Variants in RPE65 observed in about 807,000 individuals in gnomAD.
RPE65 encodes the protein retinoid isomerohydrolase RPE65.
Under a neutral mutation model 68.5 loss-of-function variants are expected in RPE65, and 58 were observed. That is an observed-to-expected ratio of 0.85 (90% confidence interval 0.69 to 1.05). The LOEUF (loss-of-function observed/expected upper bound fraction) is 1.05, where lower values mean the gene tolerates loss of function less well. Among genes scored for constraint, RPE65 ranks in the 50% least tolerant of loss-of-function variants. The pLI is 0.00. For synonymous variants in RPE65, 220 were observed against 222.2 expected (o/e 0.99, Z 0.09); for missense variants, 643 against 629.9 (o/e 1.02, Z -0.22).
intron 10 of RPE65, 69 bp downstream of exon 10, chr1:68,438,118 C>T (rs1645873588): frequency 1.7e-5 from 27 of 1,588,038 alleles, no homozygotes; most frequent in Non-Finnish European, 1.9e-5. Context: ...AAACATGAGG[C>T]AGGAGGACAA....
chr1:68,438,865 G>T, intron 9 of RPE65, 77 bp downstream of exon 9: 1 of 1,553,348 alleles, frequency 6.4e-7, no homozygotes, highest in Non-Finnish European at 8.9e-7. Context: ...TTCAGATTGA[G>T]TGCAGCAGCT....
intron 9 of RPE65, 115 bp downstream of exon 9, chr1:68,438,827 C>G: frequency 7.6e-7 from 1 of 1,318,930 alleles, no homozygotes; most frequent in Non-Finnish European, 1.1e-6. Flanking sequence ...TTTTGACTCT[C>G]ACATAACTCT....
Position 68,444,768 on chromosome 1 carries a change from T to G in RPE65, c.353+8A>C. ...GTCTTGAGTAACATTCAGTTTGGGTTCAGTAACCTGGAAAATATATTCTTG... is the reference window on the plus strand; with the variant it reads ...GTCTTGAGTAACATTCAGTTTGGGTGCAGTAACCTGGAAAATATATTCTTG... On this transcript the variant is annotated splice_region_variant and intron_variant, in intron 4 of 13. Coordinates refer to ENST00000262340, the MANE Select transcript of RPE65 (RefSeq NM_000329.3). 6.2e-7 allele frequency: 1 copy of G among 1,614,136 alleles called. No individual in the cohort carries two copies. The highest frequency in any genetic ancestry group is 8.5e-7 in the Non-Finnish European group (1 of 1,179,946).
rs770514332 is a variant in RPE65, at chr1:68,449,912, C to T, written c.-7G>A. Reference sequence around the variant, plus strand: ...ATACTTACTGGATAGACATTTTCTTCCAGTTCAGGATCCAGAGTTCTGGCA... The same window carrying T: ...ATACTTACTGGATAGACATTTTCTTTCAGTTCAGGATCCAGAGTTCTGGCA... On this transcript the variant is annotated 5_prime_UTR_variant, in exon 1 of 14. Coordinates refer to ENST00000262340, the MANE Select transcript of RPE65 (RefSeq NM_000329.3). 15 of 1,614,022 alleles carry T rather than the reference C, an allele frequency of 9.3e-6. No individual in the cohort carries two copies. The Admixed American group carries it at 1.3e-4, about 14-fold the overall frequency.
At chr1:68,436,624 A>G (rs992941567) in intron 10 of RPE65, among the ~76,000 whole-genome samples, 7 of 151,938 alleles carry the variant, frequency 4.6e-5, no homozygotes, top group Non-Finnish European at 8.8e-5. Context: ...ATGCACCACC[A>G]TGCCCAGCTA....
Position 68,429,563 on chromosome 1 carries a change from G to T in RPE65, c.*213C>A, listed in dbSNP as rs1409665910. 3.5e-6 allele frequency: 2 copies of T among 575,908 alleles called. No individual in the cohort carries two copies. Among genetic ancestry groups the T allele is most frequent in the Non-Finnish European group, 6.1e-6 (2 of 326,098 alleles). 35.7% of individuals were successfully genotyped at this position (575,908 alleles called of 1,614,324 possible). On this transcript the variant is annotated 3_prime_UTR_variant, in exon 14 of 14. Coordinates refer to ENST00000262340, the MANE Select transcript of RPE65 (RefSeq NM_000329.3). ...TTTTTCAGTTATGGCCTGTCTCACAGAGGAAGTATGATTATCTAAATACGT... is the reference window on the plus strand; with the variant it reads ...TTTTTCAGTTATGGCCTGTCTCACATAGGAAGTATGATTATCTAAATACGT...
chr1:68,449,133 G>A (rs1645963512), intron 1 of RPE65, among the ~76,000 whole-genome samples: 1 of 152,030 alleles, frequency 6.6e-6, no homozygotes, highest in Non-Finnish European at 1.5e-5. Flanking sequence ...CTATCAACAT[G>A]CTCAGCTCAC....
rs141527042 is a variant in RPE65 at position 68,440,899 on chromosome 1, A to T, written c.597T>A (p.Asn199Lys). ...TTACAATGTTGTAGGCAATTGAAAA[A>T]TTTTTTCCAAAGCAATTACCAATAT... ...VYNIGNCFGK[N>K]FSIAYNIVKI... Residue 199 changes from asparagine (N) to lysine (K), a missense_variant, in exon 6 of 14, where the codon AAT becomes AAA. Physicochemically the swap from Asn to Lys is moderately conservative, Grantham distance 94 (BLOSUM62 0). Transcript: ENST00000262340. 17 of 1,613,834 alleles carry T rather than the reference A, an allele frequency of 1.1e-5. No homozygotes were observed. The East Asian group carries it at 1.6e-4, about 15-fold the overall frequency.
At chr1:68,443,278 C>T (rs191798525) in intron 5 of RPE65, among the ~76,000 whole-genome samples, 69 of 152,286 alleles carry the variant, frequency 4.5e-4, no homozygotes, top group African/African-American at 1.4e-3. Context: ...GGGGAAGATA[C>T]GGAAATGTCA....
Position 68,431,369 on chromosome 1 carries a change from C to G in RPE65, c.1251G>C (p.Glu417Asp), listed in dbSNP as rs1400815962. 6.2e-7 allele frequency: 1 copy of G among 1,613,868 alleles called. No individual in the cohort carries two copies. The highest frequency in any genetic ancestry group is 1.3e-5 in the African/African-American group (1 of 75,012). Residue 417 changes from glutamate to aspartate, a missense_variant, in exon 12 of 14, where the codon GAG (glutamate) becomes GAC (aspartate). By Grantham distance (45) the Glu-to-Asp change is conservative (BLOSUM62 2). Coordinates refer to ENST00000262340, the MANE Select transcript of RPE65 (RefSeq NM_000329.3). Reference protein sequence around the residue: ...VLFSGPRQAFEFPQINYQKYC... With the variant: ...VLFSGPRQAFDFPQINYQKYC... Reference sequence around the variant, plus strand: ...ACTTCTGGTAATTGATTTGAGGAAACTCAAATGCTACGAAATAGAGCACAT... The same window carrying G: ...ACTTCTGGTAATTGATTTGAGGAAAGTCAAATGCTACGAAATAGAGCACAT...
At chr1:68,441,143 T>C in intron 5 of RPE65, 143 bp from the exon 6 acceptor site, 1 of 987,016 alleles carries the variant, frequency 1.0e-6, no homozygotes, top group South Asian at 1.6e-5. Context: ...GATTCTACCC[T>C]CTTTCACCTT....
Position 68,439,661 on chromosome 1 carries a change from A to G in RPE65, c.644-19T>C, listed in dbSNP as rs771043004. The G allele has an allele frequency of 6.2e-7, 1 of 1,609,880 alleles. No homozygotes were observed. On this transcript the variant is annotated intron_variant, in intron 6 of 13. Coordinates refer to ENST00000262340, the MANE Select transcript of RPE65 (RefSeq NM_000329.3). ...TCCTTGTCTGAAATAAAGTGGTTTTAAAAGGCTTTGGAAGAGCCTCTTATT... is the reference window on the plus strand; with the variant it reads ...TCCTTGTCTGAAATAAAGTGGTTTTGAAAGGCTTTGGAAGAGCCTCTTATT...
chr1:68,431,515 G>A lies in RPE65; in HGVS notation c.1199C>T (p.Thr400Ile), dbSNP rs1411638879. The change falls in exon 11 of 14, where the codon ACT becomes ATT. Residue 400 changes from threonine (T) to isoleucine (I), a missense_variant. Physicochemically the swap from Thr to Ile is moderately conservative, Grantham distance 89 (BLOSUM62 -1). Coordinates refer to ENST00000262340, the MANE Select transcript of RPE65 (RefSeq NM_000329.3). ...GAGAACTTCAGGCTCCAGCCAGATAGTCTCGTCACTGCACAGAATTGCAGT... is the reference window on the plus strand; with the variant it reads ...GAGAACTTCAGGCTCCAGCCAGATAATCTCGTCACTGCACAGAATTGCAGT... ...TATAILCSDETIWLEPEVLFS... is the reference protein window; with the variant it reads ...TATAILCSDEIIWLEPEVLFS... 6.2e-7 allele frequency: 1 copy of A among 1,613,982 alleles called. No homozygotes were observed. The highest frequency in any genetic ancestry group is 8.5e-7 in the Non-Finnish European group (1 of 1,179,912).
chr1:68,442,053 T>A (rs751673857), intron 5 of RPE65, among the ~76,000 whole-genome samples: 1 of 152,228 alleles, frequency 6.6e-6, no homozygotes, highest in Non-Finnish European at 1.5e-5. Flanking sequence ...CTCAGTCACA[T>A]TAGCCACATT....
At chr1:68,444,381 A>G (rs1645926134) in intron 5 of RPE65, 150 bp downstream of exon 5, 2 of 969,130 alleles carry the variant, frequency 2.1e-6, no homozygotes, top group Admixed American at 1.9e-5. Flanking sequence ...GACAGAGGCA[A>G]TCAGTGCAGT....
chr1:68,440,861 A>T lies in RPE65; in HGVS notation c.635T>A (p.Leu212Gln). 1 of 1,614,006 alleles carries T rather than the reference A, an allele frequency of 6.2e-7. No individual in the cohort carries two copies. The highest frequency in any genetic ancestry group is 8.5e-7 in the Non-Finnish European group (1 of 1,179,868). The change falls in exon 6 of 14, where the codon CTG (leucine) becomes CAG (glutamine). Residue 212 changes from leucine (L) to glutamine (Q), a missense_variant. By Grantham distance (113) the Leu-to-Gln change is moderately radical. Transcript: ENST00000262340. ...IAYNIVKIPPLQADKEDPISK... is the reference protein window; with the variant it reads ...IAYNIVKIPPQQADKEDPISK... Reference sequence around the variant, plus strand: ...CAGATTGGTAAACTCACCTGCTTGCAGTGGTGGGATCTTTACAATGTTGTA... The same window carrying T: ...CAGATTGGTAAACTCACCTGCTTGCTGTGGTGGGATCTTTACAATGTTGTA...
intron 10 of RPE65, among the ~76,000 whole-genome samples, chr1:68,431,936 TTAA>T (rs1241221850): frequency 1.3e-5 from 2 of 151,744 alleles, no homozygotes; most frequent in Admixed American, 6.6e-5. Context: ...ATAATAATAA[TTAA>T]TGTTTTTCTG....
chr1:68,436,539 G>A (rs901310014), intron 10 of RPE65, among the ~76,000 whole-genome samples: 1 of 151,634 alleles, frequency 6.6e-6, no homozygotes, highest in Non-Finnish European at 1.5e-5. Flanking sequence ...CATGATCTCG[G>A]CTCACTGCAA....
At chr1:68,441,317 T>C (rs1645900817) in intron 5 of RPE65, among the ~76,000 whole-genome samples, 1 of 152,218 alleles carries the variant, frequency 6.6e-6, no homozygotes, top group African/African-American at 2.4e-5. Flanking sequence ...GTCCTCAGAC[T>C]TCTTTATACT....
Sources: gnomAD v4.1 joint callset for allele counts (sites outside exome capture counted in the v4.1 genomes callset) on GRCh38, gnomAD v4.1.1 for gene constraint, MANE v1.5 for transcripts, NCBI Gene and HGNC (gene_info 2026-07-23, HGNC 2026-07-21) for gene names.